Variants in HCN1 observed in about 807,000 individuals in gnomAD.
HCN1 encodes the protein potassium/sodium hyperpolarization-activated cyclic nucleotide-gated channel 1.
HCN1 carries 13 observed loss-of-function variants against 78.9 expected under a neutral mutation model. The ratio of observed to expected loss-of-function variants is 0.16; its 90% CI spans 0.11 to 0.26. The LOEUF (loss-of-function observed/expected upper bound fraction) is 0.26, where lower values mean the gene tolerates loss of function less well. Among genes scored for constraint, HCN1 ranks in the 10% least tolerant of loss-of-function variants. HCN1 has a pLI of 1.00. For missense variants in HCN1, 810 were observed against 1,154.3 expected (o/e 0.70, Z 4.32); for synonymous variants, 552 against 455.5 (o/e 1.21, Z -2.70).
chr5:45,473,783 C>A (rs1274529679), intron 2 of HCN1, among the ~76,000 whole-genome samples: 1 of 151,804 alleles, frequency 6.6e-6, no homozygotes, highest in Non-Finnish European at 1.5e-5. Context: ...AAGTTACCTA[C>A]ATCTTCTTCA....
intron 2 of HCN1, among the ~76,000 whole-genome samples, chr5:45,535,198 A>T (rs1009279473): frequency 6.6e-6 from 1 of 152,228 alleles, no homozygotes; most frequent in Non-Finnish European, 1.5e-5. Flanking sequence ...AAAACTAGGG[A>T]CTATCTTATA....
At chr5:45,687,856 T>C (rs1192618427) in intron 1 of HCN1, among the ~76,000 whole-genome samples, 1 of 152,166 alleles carries the variant, frequency 6.6e-6, no homozygotes, top group Non-Finnish European at 1.5e-5. Flanking sequence ...GACTTTGAAA[T>C]GTCTCCCTTT....
intron 6 of HCN1, among the ~76,000 whole-genome samples, chr5:45,302,287 T>A (rs1745642717): frequency 6.6e-6 from 1 of 152,080 alleles, no homozygotes; most frequent in African/African-American, 2.4e-5. Context: ...AAGTTTCCCC[T>A]GTGCTTTCTC....
intron 2 of HCN1, among the ~76,000 whole-genome samples, chr5:45,581,200 T>C (rs534454785): frequency 8.2e-4 from 125 of 152,314 alleles, no homozygotes; most frequent in African/African-American, 2.0e-3. Flanking sequence ...CCAGCACCTG[T>C]TGTTTCCTGA....
At chr5:45,332,649 C>A (rs1023915358) in intron 5 of HCN1, among the ~76,000 whole-genome samples, 1 of 151,486 alleles carries the variant, frequency 6.6e-6, no homozygotes, top group Non-Finnish European at 1.5e-5. Flanking sequence ...CTATCTTTCC[C>A]AGCCTCTGGT....
At chr5:45,421,458 C>A (rs955799230) in intron 3 of HCN1, among the ~76,000 whole-genome samples, 1 of 151,852 alleles carries the variant, frequency 6.6e-6, no homozygotes, top group African/African-American at 2.4e-5. Flanking sequence ...CAGCAATAAG[C>A]AACTATATGG....
At chr5:45,594,396 C>G (rs1195338601) in intron 2 of HCN1, among the ~76,000 whole-genome samples, 1 of 152,148 alleles carries the variant, frequency 6.6e-6, no homozygotes, top group African/African-American at 2.4e-5. Context: ...CTGAGGCTTT[C>G]CCAACCTCTC....
intron 6 of HCN1, among the ~76,000 whole-genome samples, chr5:45,283,094 T>C (rs1745201191): frequency 6.6e-6 from 1 of 152,156 alleles, no homozygotes; most frequent in Admixed American, 6.6e-5. Context: ...TTGCCATGGA[T>C]GAAGATGAAA....
At chr5:45,609,709 G>A (rs1385294238) in intron 2 of HCN1, among the ~76,000 whole-genome samples, 1 of 152,078 alleles carries the variant, frequency 6.6e-6, no homozygotes, top group African/African-American at 2.4e-5. Context: ...GGTAAATGAG[G>A]CAGCCCTTGC....
chr5:45,306,217 TA>T (rs1745730958), intron 5 of HCN1, among the ~76,000 whole-genome samples: 2 of 152,100 alleles, frequency 1.3e-5, no homozygotes, highest in African/African-American at 4.8e-5. Context: ...AGTTTTCATA[TA>T]AAAATAATAG....
rs553810600 is a variant in HCN1 at position 45,488,904 on chromosome 5, G to T, written c.850-26897C>A. On this transcript the variant is annotated intron_variant, in intron 2 of 7. Transcript: ENST00000303230. ...ACACATCTTCAAAGCTCACCTGAAG[G>T]GCACTGCAGTTTGTGTTATGAAAGG... Among the ~76,000 whole-genome samples the T allele has an allele frequency of 2.0e-5, 3 of 152,206 alleles. No individual in the cohort carries two copies. The South Asian group carries it at 6.2e-4, about 32-fold the overall frequency.
At chr5:45,680,913 T>A (rs763869667) in intron 1 of HCN1, among the ~76,000 whole-genome samples, 1 of 152,126 alleles carries the variant, frequency 6.6e-6, no homozygotes, top group Non-Finnish European at 1.5e-5. Context: ...TTACCCTTTT[T>A]GAAGCTTATC....
intron 1 of HCN1, among the ~76,000 whole-genome samples, chr5:45,661,736 T>A (rs1264694687): frequency 2.1e-5 from 1 of 48,640 alleles, no homozygotes; most frequent in Admixed American, 2.6e-4. Context: ...ACACATACAC[T>A]CTCCCAAGAC....
intron 3 of HCN1, among the ~76,000 whole-genome samples, chr5:45,411,623 A>G (rs1176826728): frequency 6.6e-6 from 1 of 152,066 alleles, no homozygotes; most frequent in African/African-American, 2.4e-5. Flanking sequence ...CCTTTAGGAA[A>G]TAAGTCATTT....
intron 3 of HCN1, among the ~76,000 whole-genome samples, chr5:45,400,877 G>C (rs1272284450): frequency 6.6e-6 from 1 of 151,924 alleles, no homozygotes; most frequent in Non-Finnish European, 1.5e-5. Flanking sequence ...ACAAATCCAT[G>C]ATTCTGGCTT....
Position 45,403,010 on chromosome 5 carries a change from C to T in HCN1, c.1012-6300G>A, listed in dbSNP as rs566639423. Among the ~76,000 whole-genome samples, 3 of 152,106 alleles carry T rather than the reference C, an allele frequency of 2.0e-5. No homozygotes were observed. The South Asian group carries it at 6.2e-4, about 32-fold the overall frequency. ...TTCCTGGGCTCCAGCAATCCCATAT[C>T]AGCCTTCTGAGTAGCTGAGACTACA... On this transcript the variant is annotated intron_variant, in intron 3 of 7. Coordinates refer to ENST00000303230, the MANE Select transcript of HCN1 (RefSeq NM_021072.4).
At chr5:45,318,196 A>G (rs1315459946) in intron 5 of HCN1, among the ~76,000 whole-genome samples, 4 of 152,198 alleles carry the variant, frequency 2.6e-5, no homozygotes, top group Admixed American at 2.6e-4. Context: ...CTGGATTAAG[A>G]AAATGTGGCA....
chr5:45,315,531 A>G (rs1745967467), intron 5 of HCN1, among the ~76,000 whole-genome samples: 2 of 152,170 alleles, frequency 1.3e-5, no homozygotes, highest in African/African-American at 4.8e-5. Flanking sequence ...AAACACATTC[A>G]AAAGCTAGCA....
intron 3 of HCN1, among the ~76,000 whole-genome samples, chr5:45,431,773 A>C (rs1335067705): frequency 6.6e-6 from 1 of 152,018 alleles, no homozygotes; most frequent in Non-Finnish European, 1.5e-5. Context: ...TGGGCTCTCT[A>C]TTCTGCTCTA....
Sources: gnomAD v4.1 joint callset for allele counts (sites outside exome capture counted in the v4.1 genomes callset) on GRCh38, gnomAD v4.1.1 for gene constraint, MANE v1.5 for transcripts, NCBI Gene and HGNC (gene_info 2026-07-23, HGNC 2026-07-21) for gene names.